ABI2: variants seen among roughly 807,000 people sequenced by gnomAD.
ABI2 encodes the protein abl interactor 2, also known as abelson interactor 2.
Under a neutral mutation model 59.2 loss-of-function variants are expected in ABI2, and 25 were observed. The ratio of observed to expected loss-of-function variants is 0.42; its 90% CI spans 0.31 to 0.59. ABI2 has a LOEUF of 0.59. Among genes scored for constraint, ABI2 ranks in the 20% least tolerant of loss-of-function variants. The pLI is 0.14. For synonymous variants in ABI2, 213 were observed against 235.5 expected, an observed-to-expected ratio of 0.90 and a Z score of 0.87; for missense variants, 545 against 681.8, an observed-to-expected ratio of 0.80 and a Z score of 2.23.
intron 6 of ABI2, among the ~76,000 whole-genome samples, chr2:203,395,432 A>AAT (rs375911001): frequency 0.019 from 2,177 of 113,256 alleles, 52 homozygotes; most frequent in East Asian, 0.065. Context: ...TTAATAAGTA[A>AAT]ATATATATAT....
intron 1 of ABI2, among the ~76,000 whole-genome samples, chr2:203,347,622 A>G (rs778464465): frequency 1.3e-5 from 2 of 152,252 alleles, no homozygotes; most frequent in East Asian, 1.9e-4. Flanking sequence ...TTTCTGTTTT[A>G]GAGAACAGGG....
chr2:203,417,292 A>C (rs1183778590), intron 11 of ABI2, among the ~76,000 whole-genome samples: 1 of 152,214 alleles, frequency 6.6e-6, no homozygotes, highest in Non-Finnish European at 1.5e-5. Flanking sequence ...ATGGTTATCT[A>C]TATTGTTCCT....
intron 2 of ABI2, among the ~76,000 whole-genome samples, chr2:203,378,405 C>T (rs2095866552): frequency 6.6e-6 from 1 of 152,206 alleles, no homozygotes; most frequent in Admixed American, 6.5e-5. Context: ...GCCACCATGC[C>T]TGGCTGAGAT....
intron 9 of ABI2, among the ~76,000 whole-genome samples, chr2:203,409,641 A>C (rs2097574480): frequency 2.0e-5 from 3 of 151,418 alleles, no homozygotes; most frequent in Admixed American, 2.0e-4. Context: ...ATTGCCAACT[A>C]CTCTCTTCCC....
chr2:203,399,380 C>T (rs536257453), intron 8 of ABI2, among the ~76,000 whole-genome samples: 1 of 152,210 alleles, frequency 6.6e-6, no homozygotes, highest in East Asian at 1.9e-4. Context: ...TTTGTTCCTT[C>T]TCACCTTTTT....
At chr2:203,360,290 A>AT (rs1427348123) in intron 1 of ABI2, among the ~76,000 whole-genome samples, 1 of 152,122 alleles carries the variant, frequency 6.6e-6, no homozygotes, top group African/African-American at 2.4e-5. Context: ...CTTTAAAATA[A>AT]TTTAAAAACA....
At chr2:203,416,221 C>T (rs1040118222) in intron 10 of ABI2, among the ~76,000 whole-genome samples, 3 of 152,038 alleles carry the variant, frequency 2.0e-5, no homozygotes, top group African/African-American at 7.2e-5. Context: ...ATAACTTACC[C>T]TTGAATACAG....
rs567434243 is a variant in ABI2 at position 203,347,433 on chromosome 2, C to G, written c.117+18802C>G. ...TGAAGATACTTCTAGCCTTGTAATC[C>G]CATAATGGACATAAGACCATTACAC... On this transcript the variant is annotated intron_variant, in intron 1 of 11. Transcript: ENST00000261018. 1.1e-4 allele frequency among the ~76,000 whole-genome samples: 17 copies of G among 152,186 alleles called. No individual in the cohort carries two copies. The South Asian group carries it at 3.5e-3, about 32-fold the overall frequency.
At chr2:203,355,274 T>C (rs1459915192) in intron 1 of ABI2, 7 of 292,006 alleles carry the variant, frequency 2.4e-5, no homozygotes, top group Non-Finnish European at 5.3e-5. Context: ...TGGGAGGTCA[T>C]GGTAAGAGGA....
intron 11 of ABI2, 132 bp downstream of exon 11, chr2:203,417,213 GT>G: frequency 1.3e-6 from 1 of 799,264 alleles, no homozygotes; most frequent in Non-Finnish European, 1.8e-6. Context: ...TTTTTACTGA[GT>G]TTACAAGGTT....
At position 203,367,010 on chromosome 2, in the gene ABI2, G is replaced by A. The variant is rs761796222; in HGVS notation, c.251G>A (p.Arg84Gln). 4.3e-6 allele frequency: 7 copies of A among 1,613,608 alleles called. No individual in the cohort carries two copies. Among genetic ancestry groups the A allele is most frequent in the East Asian group, 2.2e-5 (1 of 44,878 alleles). ...CTGGATATCCAGGCATCCCAGCTAC[G>A]AAGGATGGAATCTTCAATCAATCAT... ...QMLDIQASQL[R>Q]RMESSINHIS... The change falls in exon 2 of 12, where the codon CGA (arginine) becomes CAA (glutamine). Residue 84 changes from arginine (R) to glutamine (Q), a missense_variant. By Grantham distance (43) the Arg-to-Gln change is conservative. This residue lies in a region of ABI2 where 36 missense variants were observed against 80.0 expected (regional missense o/e 0.45). Coordinates refer to ENST00000261018, the MANE Select transcript of ABI2 (RefSeq NM_001375670.1).
intron 9 of ABI2, among the ~76,000 whole-genome samples, chr2:203,409,799 T>C (rs367964628): frequency 9.2e-5 from 14 of 152,170 alleles, no homozygotes; most frequent in East Asian, 3.8e-4. Context: ...TCATATCACA[T>C]TTATGGAATA....
At chr2:203,349,856 A>G (rs2086547098) in intron 1 of ABI2, among the ~76,000 whole-genome samples, 1 of 152,054 alleles carries the variant, frequency 6.6e-6, no homozygotes, top group Non-Finnish European at 1.5e-5. Flanking sequence ...CGTTATAAAT[A>G]TTCATGTACA....
chr2:203,403,740 C>CTG (rs2097313284), intron 9 of ABI2, among the ~76,000 whole-genome samples: 1 of 59,868 alleles, frequency 1.7e-5, no homozygotes, highest in Non-Finnish European at 3.7e-5. Context: ...TTCTTTCTTT[C>CTG]TGTTTTTTTT....
intron 4 of ABI2, among the ~76,000 whole-genome samples, chr2:203,387,319 A>C (rs986475554): frequency 2.0e-5 from 3 of 152,214 alleles, no homozygotes; most frequent in Admixed American, 6.5e-5. Flanking sequence ...GTACCAAAGA[A>C]GGTAGAGCAG....
In ABI2 at chr2:203,348,920, T is replaced by TG. The variant is rs1489145894; in HGVS notation, c.118-17957_118-17956insG. Reference sequence around the variant, plus strand: ...CTTGCTGAAGGTGTTTTTTTTTGTTTTTTGTTTGTTTGTTTGTTTGTTTGT... The same window carrying TG: ...CTTGCTGAAGGTGTTTTTTTTTGTTTGTTTGTTTGTTTGTTTGTTTGTTTGT... On this transcript the variant is annotated intron_variant, in intron 1 of 11. Transcript: ENST00000261018. Among the ~76,000 whole-genome samples, 6 of 151,940 alleles carry TG rather than the reference T, an allele frequency of 3.9e-5. No individual in the cohort carries two copies. The East Asian group carries it at 5.8e-4, about 15-fold the overall frequency.
chr2:203,357,830 G>A (rs1415813766), intron 1 of ABI2, among the ~76,000 whole-genome samples: 2 of 151,664 alleles, frequency 1.3e-5, no homozygotes, highest in Non-Finnish European at 2.9e-5. Context: ...GTGCAGTGGC[G>A]CAGTCTTGGC....
intron 4 of ABI2, among the ~76,000 whole-genome samples, chr2:203,384,290 G>GTTTTTGTTTTTGTTT (rs2096329612): frequency 1.1e-4 from 3 of 26,114 alleles, no homozygotes; most frequent in African/African-American, 3.1e-4. Flanking sequence ...TTTTGTTTTT[G>GTTTTTGTTTTTGTTT]TTTTTTTTTT....
At position 203,415,339 on chromosome 2, in the gene ABI2, C is replaced by T. The variant is rs535348596; in HGVS notation, c.1280-1569C>T. On this transcript the variant is annotated intron_variant, in intron 10 of 11. Transcript: ENST00000261018. ...GTCTTTGAAAATCCATTTAATTCAC[C>T]GGGCGCGGTGGCTCACGCCTGTAAT... Among the ~76,000 whole-genome samples, 14 of 152,192 alleles carry T rather than the reference C, an allele frequency of 9.2e-5. No homozygotes were observed. In the East Asian group the frequency reaches 1.5e-3, roughly 17 times the overall value.
Sources: allele counts gnomAD v4.1 joint callset (sites outside exome capture counted in the v4.1 genomes callset), GRCh38; gene constraint gnomAD v4.1.1; regional missense constraint gnomAD v4.1.1; transcripts MANE v1.5; gene names NCBI Gene and HGNC (gene_info 2026-07-23, HGNC 2026-07-21).